The following PIGU variants were observed in gnomAD, a reference collection of about 807,000 sequenced individuals.
PIGU encodes phosphatidylinositol glycan anchor biosynthesis class U, also known as GPI-anchor transamidase component PIGU.
In PIGU, 24 loss-of-function variants were observed where a neutral mutation model predicts 49.9. That is an observed-to-expected ratio of 0.48 (90% CI 0.35 to 0.68). PIGU has a LOEUF of 0.68. Ranked by LOEUF, PIGU falls within the 30% of genes least tolerant of loss-of-function variation. The pLI, the probability that PIGU is intolerant of heterozygous loss-of-function variation, is 0.01. For missense variants in PIGU, 490 were observed against 532.6 expected (o/e 0.92, Z 0.79); for synonymous variants, 220 against 205.7 (o/e 1.07, Z -0.59).
chr20:34,634,612 TACCTTTTA>T lies in PIGU; in HGVS notation c.524_529+2del, dbSNP rs761074670. 6.2e-7 allele frequency: 1 copy of T among 1,612,226 alleles called. No individual in the cohort carries two copies. The highest frequency in any genetic ancestry group is 1.1e-5 in the South Asian group (1 of 91,016). On this transcript the variant is annotated splice_donor_variant and coding_sequence_variant, in exon 6 of 12. Coordinates refer to ENST00000217446, the MANE Select transcript of PIGU (RefSeq NM_080476.5). LOFTEE classifies it high-confidence loss of function. ...CCTTTGTACTCTCCTTTCAGGGCCT[TACCTTTTA>T]TCGTAGTCAAAATGAAGAAAGCAAT...
At chr20:34,588,402 G>A in intron 8 of PIGU, 51 bp downstream of exon 8, 2 of 1,535,232 alleles carry the variant, frequency 1.3e-6, no homozygotes, top group Non-Finnish European at 1.8e-6. Flanking sequence ...GTATACAAGG[G>A]TTCCCTTTTC....
At chr20:34,590,571 CG>C (rs1415320921) in intron 7 of PIGU, among the ~76,000 whole-genome samples, 3 of 140,428 alleles carry the variant, frequency 2.1e-5, no homozygotes, top group Non-Finnish European at 4.6e-5. Flanking sequence ...AATAAAATAG[CG>C]TAACGTAACA....
At chr20:34,620,139 G>C (rs966364341) in intron 6 of PIGU, among the ~76,000 whole-genome samples, 1 of 152,114 alleles carries the variant, frequency 6.6e-6, no homozygotes, top group African/African-American at 2.4e-5. Flanking sequence ...AAAGACTTCT[G>C]ATGGTTCCAT....
chr20:34,617,224 G>A (rs1985048206), intron 6 of PIGU, among the ~76,000 whole-genome samples: 1 of 152,194 alleles, frequency 6.6e-6, no homozygotes, highest in African/African-American at 2.4e-5. Context: ...GCTGAGAAGA[G>A]GGTCACTGTC....
chr20:34,630,464 T>C (rs1037339192), intron 6 of PIGU, among the ~76,000 whole-genome samples: 1 of 152,090 alleles, frequency 6.6e-6, no homozygotes, highest in East Asian at 1.9e-4. Context: ...GGATTCCTCT[T>C]TGGGAAAACT....
intron 7 of PIGU, among the ~76,000 whole-genome samples, chr20:34,609,450 C>T (rs1984735276): frequency 6.6e-6 from 1 of 152,050 alleles, no homozygotes; most frequent in African/African-American, 2.4e-5. Context: ...CTGCAACCTC[C>T]ACCTTCCGCG....
intron 11 of PIGU, among the ~76,000 whole-genome samples, chr20:34,570,982 C>T (rs571820259): frequency 3.9e-5 from 6 of 152,210 alleles, no homozygotes; most frequent in African/African-American, 1.4e-4. Flanking sequence ...TGCTGTTTCC[C>T]ATGTCAACAC....
intron 6 of PIGU, among the ~76,000 whole-genome samples, chr20:34,633,540 G>T (rs1318565335): frequency 6.6e-6 from 1 of 150,812 alleles, no homozygotes; most frequent in African/African-American, 2.4e-5. Context: ...AGGCAAAGGG[G>T]AAAAGGGGAT....
intron 8 of PIGU, among the ~76,000 whole-genome samples, chr20:34,586,046 C>T (rs1436784614): frequency 6.6e-6 from 1 of 152,152 alleles, no homozygotes; most frequent in Non-Finnish European, 1.5e-5. Context: ...TGCCTGAGAC[C>T]GAAGTGAGAC....
chr20:34,561,091 G>T, intron 11 of PIGU, 112 bp from the exon 12 acceptor site: 2 of 722,920 alleles, frequency 2.8e-6, no homozygotes, highest in Non-Finnish European at 4.6e-6. Context: ...GCCTGGCTCT[G>T]GATCACAATC....
In PIGU at chr20:34,585,494, A is replaced by T. The variant is rs1568626551; in HGVS notation, c.869T>A (p.Val290Glu). The T allele has an allele frequency of 6.2e-7, 1 of 1,613,886 alleles. No individual in the cohort carries two copies. Among genetic ancestry groups the T allele is most frequent in the Non-Finnish European group, 8.5e-7 (1 of 1,179,680 alleles). ...GAAGACGTTGATCTGAAACACACATACAAAGAAGAGGCTGAAGTGCTCAAA... is the reference window on the plus strand; with the variant it reads ...GAAGACGTTGATCTGAAACACACATTCAAAGAAGAGGCTGAAGTGCTCAAA... ...EMFEHFSLFF[V>E]CVFQINVFFY... The change falls in exon 9 of 12, where the codon GTA becomes GAA. Residue 290 changes from valine to glutamate, a missense_variant. By Grantham distance (121) the Val-to-Glu change is moderately radical. Transcript: ENST00000217446.
At chr20:34,578,171 A>G (rs1983315658) in intron 10 of PIGU, among the ~76,000 whole-genome samples, 1 of 152,210 alleles carries the variant, frequency 6.6e-6, no homozygotes, top group Non-Finnish European at 1.5e-5. Flanking sequence ...AAATCCCACA[A>G]TTTGGACACT....
intron 4 of PIGU, among the ~76,000 whole-genome samples, chr20:34,641,500 T>A (rs1986162332): frequency 6.6e-6 from 1 of 152,182 alleles, no homozygotes; most frequent in East Asian, 1.9e-4. Flanking sequence ...AAGGACAGAC[T>A]AGACTAACAT....
At chr20:34,676,812 C>G (rs1255093908) in intron 1 of PIGU, 144 bp downstream of exon 1, 3 of 996,536 alleles carry the variant, frequency 3.0e-6, no homozygotes, top group Non-Finnish European at 4.4e-6. Flanking sequence ...CGCCCTCAGG[C>G]CCCGCCCTCT....
intron 6 of PIGU, among the ~76,000 whole-genome samples, chr20:34,632,813 G>C (rs893193980): frequency 6.6e-6 from 1 of 151,968 alleles, no homozygotes; most frequent in Admixed American, 6.6e-5. Flanking sequence ...TTTATACCAG[G>C]CCCAGAGAAC....
rs1391861526 is a variant in PIGU at position 34,589,136 on chromosome 20, CACACACACACACAT to C, written c.628-543_628-530del. Among the ~76,000 whole-genome samples, 71 of 126,260 alleles carry C rather than the reference CACACACACACACAT, an allele frequency of 5.6e-4. 1 individual carries two copies. Among genetic ancestry groups the C allele is most frequent in the African/African-American group, 2.1e-3 (64 of 30,484 alleles). The allele number at this position is 126,260 out of a possible 152,430, so 82.8% of individuals were successfully genotyped here. ...ACACACACACACACACACACACACACACACACACACACATCTGTAAGTTTCATAAAACATAGATT... is the reference window on the plus strand; with the variant it reads ...ACACACACACACACACACACACACACCTGTAAGTTTCATAAAACATAGATT... On this transcript the variant is annotated intron_variant, in intron 7 of 11. Transcript: ENST00000217446.
At chr20:34,588,705 G>A (rs1983809971) in intron 7 of PIGU, 98 bp from the exon 8 acceptor site, 1 of 1,159,878 alleles carries the variant, frequency 8.6e-7, no homozygotes, top group Non-Finnish European at 1.2e-6. Context: ...ACCATACTAT[G>A]ATACACAGGT....
chr20:34,596,941 C>T (rs1012166646), intron 7 of PIGU, among the ~76,000 whole-genome samples: 4 of 152,084 alleles, frequency 2.6e-5, no homozygotes, highest in Non-Finnish European at 4.4e-5. Flanking sequence ...ACAAGCAGAA[C>T]TTCACGAAGA....
In PIGU at chr20:34,595,819, G is replaced by A. The variant is rs115014684; in HGVS notation, c.628-7212C>T. Among the ~76,000 whole-genome samples the A allele has an allele frequency of 3.5e-3, 532 of 152,308 alleles. 2 individuals are homozygous for A. Among genetic ancestry groups the A allele is most frequent in the African/African-American group, 0.012 (482 of 41,568 alleles). On this transcript the variant is annotated intron_variant, in intron 7 of 11. Coordinates refer to ENST00000217446, the MANE Select transcript of PIGU (RefSeq NM_080476.5). Reference sequence around the variant, plus strand: ...TAATCTAAGTAATTATGAAAAACAGGCCAGGCACAGTGGCTCATGCCTTAA... The same window carrying A: ...TAATCTAAGTAATTATGAAAAACAGACCAGGCACAGTGGCTCATGCCTTAA...
Sources: gnomAD v4.1 joint callset for allele counts (sites outside exome capture counted in the v4.1 genomes callset) on GRCh38, gnomAD v4.1.1 for gene constraint, MANE v1.5 for transcripts, NCBI Gene and HGNC (gene_info 2026-07-23, HGNC 2026-07-21) for gene names.